CDCA2: variants seen among roughly 807,000 people sequenced by gnomAD.
CDCA2 encodes the protein cell division cycle associated 2, also known as cell division cycle-associated protein 2.
CDCA2 carries 44 observed loss-of-function variants against 67.0 expected under a neutral mutation model. The observed-to-expected ratio is 0.66, with a 90% CI of 0.52 to 0.84. CDCA2 has a LOEUF of 0.84. Among genes scored for constraint, CDCA2 ranks in the 40% least tolerant of loss-of-function variants. The pLI is 0.00. For synonymous variants in CDCA2, 447 were observed against 418.7 expected (o/e 1.07, Z -0.82); for missense variants, 1,253 against 1,203.2 (o/e 1.04, Z -0.61).
At position 25,506,987 on chromosome 8, in the gene CDCA2, A is replaced by G; in HGVS notation, c.2321A>G (p.Glu774Gly). The G allele has an allele frequency of 6.2e-7, 1 of 1,614,156 alleles. No homozygotes were observed. Among genetic ancestry groups the G allele is most frequent in the Non-Finnish European group, 8.5e-7 (1 of 1,179,990 alleles). ...ERKDDFLGAA[E>G]GKLQCNRLMP... ...AAGGATGACTTCTTAGGAGCTGCAG[A>G]AGGAAAACTGCAATGCAATCGTTTA... Residue 774 changes from glutamate to glycine, a missense_variant, in exon 15 of 15, where the codon GAA becomes GGA. Physicochemically the swap from Glu to Gly is moderately conservative, Grantham distance 98. Coordinates refer to ENST00000330560, the MANE Select transcript of CDCA2 (RefSeq NM_152562.4).
intron 13 of CDCA2, among the ~76,000 whole-genome samples, chr8:25,489,114 A>G (rs1231013875): frequency 2.0e-5 from 3 of 152,122 alleles, no homozygotes; most frequent in Non-Finnish European, 2.9e-5. Context: ...ACTAGCTCTC[A>G]GTCTTTCTTA....
chr8:25,476,270 A>G (rs1008774424), intron 7 of CDCA2, among the ~76,000 whole-genome samples: 4 of 152,164 alleles, frequency 2.6e-5, no homozygotes, highest in Non-Finnish European at 4.4e-5. Context: ...TTTTATATCA[A>G]AGTACACATA....
rs1292850010 is a variant in CDCA2, at chr8:25,469,983, A to G, written c.820+3A>G. The G allele has an allele frequency of 1.3e-6, 2 of 1,590,630 alleles. No homozygotes were observed. The highest frequency in any genetic ancestry group is 1.7e-6 in the Non-Finnish European group (2 of 1,160,016). ...AGAGCTCACAGAGACTTCAAATGGT[A>G]AGTAATCTTTTCTTAGTACATGGCC... On this transcript the variant is annotated splice_donor_region_variant and intron_variant, in intron 7 of 14. Transcript: ENST00000330560.
At chr8:25,469,788 T>C in intron 6 of CDCA2, 108 bp from the exon 7 acceptor site, 1 of 596,462 alleles carries the variant, frequency 1.7e-6, no homozygotes, top group Non-Finnish European at 3.0e-6. Flanking sequence ...AGGTGACTGA[T>C]TGAACATCAG....
At chr8:25,481,245 A>AAG (rs1803558643) in intron 8 of CDCA2, among the ~76,000 whole-genome samples, 1 of 151,952 alleles carries the variant, frequency 6.6e-6, no homozygotes, top group Non-Finnish European at 1.5e-5. Context: ...AAAAAAAAAA[A>AAG]AAAAAGCTGA....
At chr8:25,462,338 A>G (rs112774969) in intron 4 of CDCA2, 130 bp downstream of exon 4, 24 of 1,071,692 alleles carry the variant, frequency 2.2e-5, no homozygotes, top group African/African-American at 1.9e-4. Flanking sequence ...GAGAACATGC[A>G]GTTAGCGGCC....
In CDCA2 at chr8:25,479,898, A is replaced by G. The variant is rs375293745; in HGVS notation, c.821-15A>G. 6 of 1,610,640 alleles carry G rather than the reference A, an allele frequency of 3.7e-6. No homozygotes were observed. Among genetic ancestry groups the G allele is most frequent in the South Asian group, 2.2e-5 (2 of 90,992 alleles). On this transcript the variant is annotated splice_polypyrimidine_tract_variant and intron_variant, in intron 7 of 14. Transcript: ENST00000330560. ...GAGATCTTCTGCCTCTCAAGTTTAC[A>G]TGTTTATCTTGAAGCACTAAAGGTT...
At chr8:25,496,272 TA>T (rs1194925401) in intron 13 of CDCA2, among the ~76,000 whole-genome samples, 1 of 152,190 alleles carries the variant, frequency 6.6e-6, no homozygotes, top group Non-Finnish European at 1.5e-5. Flanking sequence ...CACATAAGTT[TA>T]TTACTTTTTT....
intron 5 of CDCA2, 99 bp from the exon 6 acceptor site, chr8:25,468,118 C>CAAAAAAAAAAAAAAAAAAAAAAAAAAAAA (rs60060887): frequency 1.9e-5 from 3 of 155,692 alleles, no homozygotes; most frequent in Non-Finnish European, 2.9e-5. Flanking sequence ...AACTCCGTCT[C>CAAAAAAAAAAAAAAAAAAAAAAAAAAAAA]AAAAAAAAAA....
chr8:25,501,241 A>AT (rs1319844015), intron 13 of CDCA2, among the ~76,000 whole-genome samples: 1 of 152,136 alleles, frequency 6.6e-6, no homozygotes, highest in Non-Finnish European at 1.5e-5. Flanking sequence ...TTCTAAAATT[A>AT]TTTTTCCGTG....
Position 25,507,531 on chromosome 8 carries a change from AG to A in CDCA2, c.2866del (p.Asp956IlefsTer54). ...QKPQMAPPVS[D>X]PENSQGPAAG... Reference sequence around the variant, plus strand: ...AACCGCAGATGGCACCTCCCGTCTCAGATCCAGAAAACAGCCAGGGCCCTGC... The same window carrying A: ...AACCGCAGATGGCACCTCCCGTCTCAATCCAGAAAACAGCCAGGGCCCTGC... On this transcript the variant is annotated frameshift_variant, in exon 15 of 15. Transcript: ENST00000330560. LOFTEE classifies it low-confidence loss of function (END_TRUNC). The A allele has an allele frequency of 1.2e-6, 2 of 1,614,026 alleles. No individual in the cohort carries two copies. The highest frequency in any genetic ancestry group is 8.5e-7 in the Non-Finnish European group (1 of 1,179,994).
intron 9 of CDCA2, among the ~76,000 whole-genome samples, 188 bp downstream of exon 9, chr8:25,483,674 G>T (rs1046452637): frequency 1.3e-5 from 2 of 152,134 alleles, no homozygotes; most frequent in Non-Finnish European, 2.9e-5. Flanking sequence ...CCATTTCATG[G>T]ATCCATTTTT....
intron 13 of CDCA2, among the ~76,000 whole-genome samples, chr8:25,496,985 A>G (rs888790104): frequency 5.3e-5 from 8 of 152,170 alleles, no homozygotes; most frequent in African/African-American, 1.7e-4. Context: ...AGAAAAAGAA[A>G]TGTTACATAT....
rs1186659057 is a variant in CDCA2, at chr8:25,503,438, G to A, written c.1737G>A (p.Gly579=). Residue 579 remains glycine (G), a synonymous_variant, in exon 14 of 15, where the codon GGG becomes GGA. Transcript: ENST00000330560. ...AAAGTGTTCAGAAATCTTTATATGG[G>A]GAAAGAGACATTGCTTCTAAGAAGC... ...GKKSVQKSLY[G]ERDIASKKPL... 6.2e-7 allele frequency: 1 copy of A among 1,613,878 alleles called. No homozygotes were observed. The highest frequency in any genetic ancestry group is 8.5e-7 in the Non-Finnish European group (1 of 1,179,908).
intron 3 of CDCA2, 120 bp downstream of exon 3, chr8:25,460,674 C>A: frequency 9.9e-7 from 1 of 1,013,884 alleles, no homozygotes; most frequent in Non-Finnish European, 1.4e-6. Context: ...GCCTACTCTG[C>A]AAACTTGCTT....
At chr8:25,468,118 CAA>C (rs60060887) in intron 5 of CDCA2, 97 bp from the exon 6 acceptor site, 900 of 159,240 alleles carry the variant, frequency 5.7e-3, no homozygotes, top group Middle Eastern at 0.014. Flanking sequence ...AACTCCGTCT[CAA>C]AAAAAAAAAA....
intron 5 of CDCA2, among the ~76,000 whole-genome samples, chr8:25,467,041 CAAAAAAAAAAA>C (rs59618544): frequency 1.2e-4 from 6 of 49,182 alleles, no homozygotes; most frequent in Non-Finnish European, 1.6e-4. Context: ...GAGTCCCTTT[CAAAAAAAAAAA>C]AAAAAAAAAA....
intron 7 of CDCA2, among the ~76,000 whole-genome samples, chr8:25,478,512 C>T (rs145297353): frequency 8.9e-4 from 136 of 152,244 alleles, no homozygotes; most frequent in Non-Finnish European, 1.5e-3. Flanking sequence ...AATCTTTCAT[C>T]GACTTCCTGT....
intron 7 of CDCA2, among the ~76,000 whole-genome samples, chr8:25,479,308 C>T (rs1457085392): frequency 6.6e-6 from 1 of 152,108 alleles, no homozygotes; most frequent in East Asian, 1.9e-4. Flanking sequence ...TGGGGGTTTG[C>T]TCATCTTTAC....
Sources: gnomAD v4.1 joint callset for allele counts (sites outside exome capture counted in the v4.1 genomes callset) on GRCh38, gnomAD v4.1.1 for gene constraint, MANE v1.5 for transcripts, NCBI Gene and HGNC (gene_info 2026-07-23, HGNC 2026-07-21) for gene names.